Variants in DDX42 observed in about 807,000 individuals in gnomAD.
The protein encoded by DDX42 is ATP-dependent RNA helicase DDX42.
A neutral mutation model predicts 101.5 loss-of-function variants in DDX42; 22 were observed. That is an observed-to-expected ratio of 0.22 (90% confidence interval 0.15 to 0.31). The LOEUF (loss-of-function observed/expected upper bound fraction) is 0.31, where lower values mean the gene tolerates loss of function less well. Among genes scored for constraint, DDX42 ranks in the 10% least tolerant of loss-of-function variants. DDX42 has a pLI of 1.00. For missense variants in DDX42, 849 were observed against 1,199.9 expected (o/e 0.71, Z 4.32); for synonymous variants, 402 against 401.2 (o/e 1.00, Z -0.02).
intron 1 of DDX42, among the ~76,000 whole-genome samples, chr17:63,777,135 G>T (rs752722665): frequency 3.9e-5 from 6 of 151,910 alleles, no homozygotes; most frequent in Non-Finnish European, 8.8e-5. Flanking sequence ...TCTCAAACTC[G>T]TGGCCTTAAG....
chr17:63,800,508 G>T lies in DDX42; in HGVS notation c.512G>T (p.Gly171Val). Residue 171 changes from glycine (G) to valine (V), a missense_variant, in exon 6 of 18, where the codon GGT becomes GTT. This residue lies in a region of DDX42 where 370 missense variants were observed against 608.8 expected (regional missense o/e 0.61). Coordinates refer to ENST00000389924, the MANE Select transcript of DDX42 (RefSeq NM_203499.3). ...TACATGGCAGAAAACCCAACTGCTGGTGTGGTTCAGGAGGAAGAGGAAGAC... is the reference window on the plus strand; with the variant it reads ...TACATGGCAGAAAACCCAACTGCTGTTGTGGTTCAGGAGGAAGAGGAAGAC... Reference protein sequence around the residue: ...FRYMAENPTAGVVQEEEEDNL... With the variant: ...FRYMAENPTAVVVQEEEEDNL... The T allele has an allele frequency of 6.2e-7, 1 of 1,614,072 alleles. No individual in the cohort carries two copies. The highest frequency in any genetic ancestry group is 8.5e-7 in the Non-Finnish European group (1 of 1,179,992).
intron 1 of DDX42, among the ~76,000 whole-genome samples, chr17:63,786,283 G>A (rs2039546600): frequency 6.6e-6 from 1 of 152,158 alleles, no homozygotes; most frequent in Admixed American, 6.6e-5. Context: ...TGTTGCCCAG[G>A]CTGGAATACA....
At chr17:63,814,347 A>C (rs537250407) in intron 15 of DDX42, among the ~76,000 whole-genome samples, 1 of 152,282 alleles carries the variant, frequency 6.6e-6, no homozygotes, top group African/African-American at 2.4e-5. Context: ...AGAGTTTGTC[A>C]AATGCCTAGG....
rs1598342016 is a variant in DDX42 at position 63,811,687 on chromosome 17, G to A, written c.1399-245G>A. 23 of 582,274 alleles carry A rather than the reference G, an allele frequency of 4.0e-5. 1 individual carries two copies. The South Asian group carries it at 4.8e-4, about 12-fold the overall frequency. 36.1% of individuals were successfully genotyped at this position (582,274 alleles called of 1,614,324 possible). A position where few individuals can be genotyped will look rare whatever the true frequency, so the allele number is the denominator to read the frequency against. ...GAGAATCCTTCAGTTGCTTGCCATG[G>A]TTATTGTTAAGGAAAGCTCTACAAA... On this transcript the variant is annotated intron_variant, in intron 13 of 17. Transcript: ENST00000389924.
chr17:63,808,444 G>T (rs1165992348), intron 9 of DDX42, among the ~76,000 whole-genome samples: 1 of 152,182 alleles, frequency 6.6e-6, no homozygotes, highest in African/African-American at 2.4e-5. Context: ...ACAGTGCTGG[G>T]ATTACAGGTG....
At chr17:63,791,183 A>T (rs981661876) in intron 2 of DDX42, among the ~76,000 whole-genome samples, 3 of 152,340 alleles carry the variant, frequency 2.0e-5, no homozygotes, top group African/African-American at 4.8e-5. Flanking sequence ...GTTTATAAAG[A>T]GCTGTATTGA....
intron 1 of DDX42, among the ~76,000 whole-genome samples, chr17:63,785,845 C>G (rs536092832): frequency 1.1e-4 from 16 of 152,262 alleles, no homozygotes; most frequent in African/African-American, 3.9e-4. Flanking sequence ...TACATAGATA[C>G]TGTCTACAAA....
intron 1 of DDX42, among the ~76,000 whole-genome samples, chr17:63,785,028 T>A (rs533252795): frequency 1.3e-5 from 2 of 152,280 alleles, no homozygotes; most frequent in East Asian, 3.9e-4. Context: ...CAATTTTTAA[T>A]TTGTGTGTAT....
chr17:63,795,014 T>C (rs1201066746), intron 3 of DDX42, among the ~76,000 whole-genome samples: 1 of 152,150 alleles, frequency 6.6e-6, no homozygotes, highest in Non-Finnish European at 1.5e-5. Context: ...GTTACTTGTC[T>C]TCAGCCAGAA....
intron 3 of DDX42, among the ~76,000 whole-genome samples, chr17:63,797,098 A>C (rs927888983): frequency 6.6e-6 from 1 of 152,104 alleles, no homozygotes; most frequent in African/African-American, 2.4e-5. Context: ...AATTTGCAGT[A>C]TATAAAAATT....
At chr17:63,796,420 G>C (rs761389061) in intron 3 of DDX42, among the ~76,000 whole-genome samples, 5 of 152,170 alleles carry the variant, frequency 3.3e-5, no homozygotes, top group Non-Finnish European at 7.3e-5. Flanking sequence ...GGGTTCAAGC[G>C]ATTCTCCTGC....
At chr17:63,816,069 C>T (rs1406953115) in intron 16 of DDX42, 1 of 152,970 alleles carries the variant, frequency 6.5e-6, no homozygotes, top group Non-Finnish European at 1.5e-5. Flanking sequence ...TAAATGTTGC[C>T]AAAGGGTCAC....
intron 6 of DDX42, among the ~76,000 whole-genome samples, chr17:63,802,592 A>G (rs2039785097): frequency 6.6e-6 from 1 of 152,004 alleles, no homozygotes; most frequent in Non-Finnish European, 1.5e-5. Context: ...ACTTGGTGAA[A>G]CTCCATCTAA....
At chr17:63,774,749 C>G (rs372026213) in intron 1 of DDX42, 1 of 152,188 alleles carries the variant, frequency 6.6e-6, no homozygotes, top group Admixed American at 6.5e-5. Context: ...ATGCAGGCCT[C>G]CGAATTTGGG....
intron 15 of DDX42, 89 bp from the exon 16 acceptor site, chr17:63,815,474 C>G (rs1287951080): frequency 2.1e-6 from 2 of 947,140 alleles, no homozygotes; most frequent in Admixed American, 2.2e-5. Flanking sequence ...AAAGTTCCCC[C>G]TTCCCACTTA....
chr17:63,806,525 C>G lies in DDX42; in HGVS notation c.727-10C>G, dbSNP rs2039842738. 1.2e-6 allele frequency: 2 copies of G among 1,606,744 alleles called. No individual in the cohort carries two copies. The highest frequency in any genetic ancestry group is 1.7e-6 in the Non-Finnish European group (2 of 1,176,994). ...TACAAGTCATTCTGGGGAGTTGTCTCTATCTCTAGGTCTCTGGTGCTGCAC... is the reference window on the plus strand; with the variant it reads ...TACAAGTCATTCTGGGGAGTTGTCTGTATCTCTAGGTCTCTGGTGCTGCAC... On this transcript the variant is annotated splice_polypyrimidine_tract_variant and intron_variant, in intron 7 of 17. Transcript: ENST00000389924.
intron 3 of DDX42, among the ~76,000 whole-genome samples, chr17:63,796,835 T>G (rs1436849185): frequency 6.6e-6 from 1 of 152,202 alleles, no homozygotes; most frequent in East Asian, 1.9e-4. Flanking sequence ...AAGTAGGTTG[T>G]TTGTATGCAT....
intron 6 of DDX42, among the ~76,000 whole-genome samples, chr17:63,800,924 C>T (rs1021398161): frequency 7.7e-5 from 2 of 26,000 alleles, no homozygotes; most frequent in Admixed American, 6.5e-4. Context: ...TTCCTTCCTT[C>T]CTTTCTTTCT....
chr17:63,815,468 T>A, intron 15 of DDX42, 95 bp from the exon 16 acceptor site: 1 of 861,380 alleles, frequency 1.2e-6, no homozygotes, highest in Non-Finnish European at 1.8e-6. Context: ...TAAGCAAAAG[T>A]TCCCCCTTCC....
Sources: allele counts gnomAD v4.1 joint callset (sites outside exome capture counted in the v4.1 genomes callset), GRCh38; gene constraint gnomAD v4.1.1; regional missense constraint gnomAD v4.1.1; transcripts MANE v1.5; gene names NCBI Gene and HGNC (gene_info 2026-07-23, HGNC 2026-07-21).